SYNPR: variants seen among roughly 807,000 people sequenced by gnomAD.
The protein encoded by SYNPR is synaptoporin.
A neutral mutation model predicts 32.9 loss-of-function variants in SYNPR; 23 were observed. That is an observed-to-expected ratio of 0.70 (90% confidence interval 0.50 to 0.99). SYNPR has a LOEUF of 0.99. Among genes scored for constraint, SYNPR ranks in the 50% least tolerant of loss-of-function variants. The pLI is 0.00. For missense variants in SYNPR, 318 were observed against 349.3 expected (o/e 0.91, Z 0.71); for synonymous variants, 146 against 135.9 (o/e 1.07, Z -0.52).
At chr3:63,461,808 T>C (rs1700589720) in intron 2 of SYNPR, among the ~76,000 whole-genome samples, 1 of 151,920 alleles carries the variant, frequency 6.6e-6, no homozygotes, top group Non-Finnish European at 1.5e-5. Flanking sequence ...TCCCCAGCCG[T>C]AGAACAGAGA....
intron 2 of SYNPR, among the ~76,000 whole-genome samples, chr3:63,353,370 G>C (rs573220899): frequency 3.0e-4 from 45 of 152,304 alleles, no homozygotes; most frequent in African/African-American, 1.0e-3. Flanking sequence ...CAGGGAGGGG[G>C]ATCTAGTGAA....
intron 2 of SYNPR, among the ~76,000 whole-genome samples, chr3:63,365,868 C>T (rs956083869): frequency 6.6e-6 from 1 of 152,156 alleles, no homozygotes; most frequent in African/African-American, 2.4e-5. Context: ...GGAACCACTT[C>T]AGAGTGATGA....
intron 2 of SYNPR, among the ~76,000 whole-genome samples, chr3:63,409,207 C>T (rs2088428733): frequency 6.6e-6 from 1 of 152,022 alleles, no homozygotes; most frequent in African/African-American, 2.4e-5. Flanking sequence ...ATATCAAAAG[C>T]TTTGGCTTTC....
Position 63,347,524 on chromosome 3 carries a change from T to C in SYNPR, c.84+68782T>C, listed in dbSNP as rs1224833069. 3.9e-5 allele frequency among the ~76,000 whole-genome samples: 6 copies of C among 152,224 alleles called. No individual in the cohort carries two copies. The East Asian group carries it at 1.2e-3, about 29-fold the overall frequency. ...AATTTAAGGTATACAAGTACAGTTT[T>C]GTTACATGGATATATTATGTCGTGC... On this transcript the variant is annotated intron_variant, in intron 2 of 5. Transcript: ENST00000478300.
chr3:63,216,748 G>T, the SYNPR span, among the ~76,000 whole-genome samples: 280 of 47,302 alleles, frequency 5.9e-3, 127 homozygotes, highest in Non-Finnish European at 0.012. Context: ...TCCGTTGCTG[G>T]TGAGGAACTG....
intron 2 of SYNPR, among the ~76,000 whole-genome samples, chr3:63,458,557 C>G (rs1386549385): frequency 6.6e-6 from 1 of 152,126 alleles, no homozygotes; most frequent in African/African-American, 2.4e-5. Context: ...AAGCAAACTG[C>G]AAGATCTCTT....
chr3:63,548,506 A>G (rs886949611), intron 3 of SYNPR, among the ~76,000 whole-genome samples: 1 of 152,182 alleles, frequency 6.6e-6, no homozygotes, highest in African/African-American at 2.4e-5. Flanking sequence ...CTGTAAATGC[A>G]CACACAAACA....
At chr3:63,315,030 A>C (rs186520279) in intron 2 of SYNPR, among the ~76,000 whole-genome samples, 4 of 152,136 alleles carry the variant, frequency 2.6e-5, no homozygotes, top group Admixed American at 2.6e-4. Context: ...GCTTTGTCAA[A>C]GTTCAGTTGG....
intron 2 of SYNPR, among the ~76,000 whole-genome samples, chr3:63,408,390 G>T (rs1345872401): frequency 7.1e-6 from 1 of 140,990 alleles, no homozygotes; most frequent in Non-Finnish European, 1.6e-5. Flanking sequence ...GAAAAGGAAG[G>T]AAGGCTTGTT....
intron 4 of SYNPR, among the ~76,000 whole-genome samples, chr3:63,585,462 G>A (rs962385676): frequency 9.0e-5 from 12 of 132,978 alleles, no homozygotes; most frequent in African/African-American, 2.6e-4. Context: ...CCCCCCCTCC[G>A]CCCCGCACCC....
chr3:63,484,709 T>C (rs1049786003), intron 3 of SYNPR, among the ~76,000 whole-genome samples: 4 of 152,298 alleles, frequency 2.6e-5, no homozygotes, highest in Middle Eastern at 3.4e-3. Context: ...ATTTTACTGA[T>C]TGAGAAGATT....
At chr3:63,410,891 G>T (rs546246073) in intron 2 of SYNPR, among the ~76,000 whole-genome samples, 2 of 152,270 alleles carry the variant, frequency 1.3e-5, no homozygotes, top group East Asian at 3.9e-4. Flanking sequence ...AGTGTGAACA[G>T]GAAGTTGTTC....
intron 2 of SYNPR, among the ~76,000 whole-genome samples, chr3:63,301,269 A>G (rs1007702348): frequency 5.9e-5 from 9 of 152,156 alleles, no homozygotes; most frequent in African/African-American, 2.2e-4. Context: ...TGTTAGGTAT[A>G]AAATGCGTTC....
In SYNPR at chr3:63,616,084, T is replaced by C. The variant is rs1478833627; in HGVS notation, c.*603T>C. The C allele has an allele frequency of 2.6e-5, 4 of 152,270 alleles. No individual in the cohort carries two copies. Among genetic ancestry groups the C allele is most frequent in the Non-Finnish European group, 5.9e-5 (4 of 68,058 alleles). 9.4% of individuals were successfully genotyped at this position (152,270 alleles called of 1,614,324 possible). ...AAATTTTCTGGTTTGCACCATGAAT[T>C]TGTCAAATGGATATTTATAGGAATA... On this transcript the variant is annotated 3_prime_UTR_variant, in exon 6 of 6. Transcript: ENST00000478300.
In SYNPR at chr3:63,606,268, G is replaced by T. The variant is rs190355804; in HGVS notation, c.409-2857G>T. Among the ~76,000 whole-genome samples the T allele has an allele frequency of 5.3e-4, 80 of 152,106 alleles. 1 individual carries two copies. The East Asian group carries it at 0.014, about 27-fold the overall frequency. Reference sequence around the variant, plus strand: ...ATTACTGATGCCTCTTTACAAAATGGCACTAAGGGATAAAAGGTTGAACCA... The same window carrying T: ...ATTACTGATGCCTCTTTACAAAATGTCACTAAGGGATAAAAGGTTGAACCA... On this transcript the variant is annotated intron_variant, in intron 4 of 5. Coordinates refer to ENST00000478300, the MANE Select transcript of SYNPR (RefSeq NM_001130003.2).
intron 2 of SYNPR, among the ~76,000 whole-genome samples, chr3:63,317,207 G>T (rs2087052654): frequency 6.6e-6 from 1 of 151,902 alleles, no homozygotes; most frequent in South Asian, 2.1e-4. Flanking sequence ...TGTGTATTCT[G>T]CAGTTGTTGG....
At chr3:63,321,644 A>G (rs2087111972) in intron 2 of SYNPR, among the ~76,000 whole-genome samples, 1 of 152,112 alleles carries the variant, frequency 6.6e-6, no homozygotes, top group African/African-American at 2.4e-5. Flanking sequence ...AGTACATAGC[A>G]GGTGCTTATT....
chr3:63,402,271 A>T (rs2088302807), intron 2 of SYNPR, among the ~76,000 whole-genome samples: 1 of 152,066 alleles, frequency 6.6e-6, no homozygotes, highest in African/African-American at 2.4e-5. Flanking sequence ...CTCCCTGCAA[A>T]GTGGTGACCA....
At chr3:63,350,173 A>G (rs376156348) in intron 2 of SYNPR, among the ~76,000 whole-genome samples, 2 of 152,056 alleles carry the variant, frequency 1.3e-5, no homozygotes, top group East Asian at 3.9e-4. Flanking sequence ...ATTTTCAAAT[A>G]TTAAGGGGAA....
Sources: allele counts gnomAD v4.1 joint callset (sites outside exome capture counted in the v4.1 genomes callset), GRCh38; gene constraint gnomAD v4.1.1; transcripts MANE v1.5; gene names NCBI Gene and HGNC (gene_info 2026-07-23, HGNC 2026-07-21).